Variants in NARS2 observed in about 807,000 individuals in gnomAD.
NARS2 encodes asparaginyl-tRNA synthetase 2, mitochondrial, also known as asparaginyl-tRNA synthetase.
In NARS2, 60 loss-of-function variants were observed where a neutral mutation model predicts 62.9. The ratio of observed to expected loss-of-function variants is 0.95; its 90% CI spans 0.77 to 1.18. The LOEUF is 1.18. NARS2 is among the 50% of genes most tolerant of loss of function. The pLI is 0.00. For missense variants in NARS2, 619 were observed against 576.4 expected (o/e 1.07, Z -0.76); for synonymous variants, 196 against 200.0 (o/e 0.98, Z 0.17).
chr11:78,437,497 A>G (rs1438605728), intron 13 of NARS2, among the ~76,000 whole-genome samples: 1 of 152,158 alleles, frequency 6.6e-6, no homozygotes, highest in Admixed American at 6.6e-5. Context: ...TCTGAAACCC[A>G]TCCACGCACA....
At chr11:78,530,952 A>C (rs563439167) in intron 5 of NARS2, among the ~76,000 whole-genome samples, 11 of 152,300 alleles carry the variant, frequency 7.2e-5, no homozygotes, top group Admixed American at 3.3e-4. Context: ...TTTATATTAC[A>C]ATTAAAGTAT....
chr11:78,449,898 TA>T (rs1333847764), intron 11 of NARS2, among the ~76,000 whole-genome samples: 1 of 152,194 alleles, frequency 6.6e-6, no homozygotes, highest in Non-Finnish European at 1.5e-5. Context: ...AAAGGCCTTT[TA>T]AAAACACAGG....
At chr11:78,441,710 C>CAAA (rs773790665) in intron 12 of NARS2, among the ~76,000 whole-genome samples, 3 of 127,386 alleles carry the variant, frequency 2.4e-5, no homozygotes, top group African/African-American at 8.5e-5. Context: ...GACTCCATCT[C>CAAA]AAAAAAAAAA....
intron 9 of NARS2, among the ~76,000 whole-genome samples, chr11:78,472,562 T>C (rs913966060): frequency 5.9e-5 from 9 of 152,184 alleles, no homozygotes; most frequent in African/African-American, 2.2e-4. Context: ...TAAATTCCAT[T>C]ACTACACGAG....
At chr11:78,541,970 A>C (rs1855638042) in intron 5 of NARS2, among the ~76,000 whole-genome samples, 1 of 152,202 alleles carries the variant, frequency 6.6e-6, no homozygotes, top group South Asian at 2.1e-4. Flanking sequence ...AACAAGCCAT[A>C]TATGTAGGTC....
intron 9 of NARS2, among the ~76,000 whole-genome samples, chr11:78,475,572 T>G (rs549396453): frequency 1.0e-4 from 15 of 147,222 alleles, no homozygotes; most frequent in African/African-American, 3.5e-4. Context: ...ACACCTGTTA[T>G]CATTTGACTT....
intron 5 of NARS2, among the ~76,000 whole-genome samples, chr11:78,554,009 T>C (rs576427806): frequency 1.3e-5 from 2 of 152,354 alleles, no homozygotes; most frequent in African/African-American, 2.4e-5. Flanking sequence ...CTTTTCCTCA[T>C]TGCTTGTTTT....
In NARS2 at chr11:78,531,777, A is replaced by G. The variant is rs555601034; in HGVS notation, c.595-2841T>C. Among the ~76,000 whole-genome samples the G allele has an allele frequency of 4.6e-5, 7 of 152,342 alleles. 1 individual carries two copies. In the East Asian group the frequency reaches 1.4e-3, roughly 29 times the overall value. ...ATGAAAACATGCTAAGTGAAAGAAG[A>G]CAGACTTAAAAGGCTATGTATGATT... On this transcript the variant is annotated intron_variant, in intron 5 of 13. Coordinates refer to ENST00000281038, the MANE Select transcript of NARS2 (RefSeq NM_024678.6).
At chr11:78,502,524 T>A (rs1860319091) in intron 6 of NARS2, among the ~76,000 whole-genome samples, 1 of 152,332 alleles carries the variant, frequency 6.6e-6, no homozygotes, top group Non-Finnish European at 1.5e-5. Flanking sequence ...ATACAACATA[T>A]GAATCCTAGG....
At chr11:78,464,475 T>C (rs1565214972) in intron 11 of NARS2, among the ~76,000 whole-genome samples, 2 of 152,134 alleles carry the variant, frequency 1.3e-5, no homozygotes, top group East Asian at 1.9e-4. Flanking sequence ...GATTGGTACA[T>C]TTACAGTCCC....
intron 11 of NARS2, among the ~76,000 whole-genome samples, chr11:78,461,200 C>T (rs1373898941): frequency 6.6e-6 from 1 of 152,110 alleles, no homozygotes; most frequent in Non-Finnish European, 1.5e-5. Flanking sequence ...GAGATAAAAA[C>T]TTCTGAGAGA....
chr11:78,521,565 C>T (rs544591809), intron 6 of NARS2, among the ~76,000 whole-genome samples: 2 of 152,150 alleles, frequency 1.3e-5, no homozygotes, highest in East Asian at 1.9e-4. Flanking sequence ...CCGAGGCGAG[C>T]GGATCACGAG....
chr11:78,543,325 A>G (rs920936275), intron 5 of NARS2, among the ~76,000 whole-genome samples: 5 of 152,264 alleles, frequency 3.3e-5, no homozygotes, highest in African/African-American at 1.2e-4. Context: ...GCTTCCTTCA[A>G]AGATGGCATG....
intron 7 of NARS2, among the ~76,000 whole-genome samples, chr11:78,489,842 C>T (rs1317335645): frequency 6.6e-6 from 1 of 152,020 alleles, no homozygotes; most frequent in African/African-American, 2.4e-5. Context: ...ATCACTTGGG[C>T]CCAGAAGTTT....
At chr11:78,551,539 A>G (rs1366819154) in intron 5 of NARS2, among the ~76,000 whole-genome samples, 9 of 152,204 alleles carry the variant, frequency 5.9e-5, no homozygotes, top group Non-Finnish European at 1.3e-4. Flanking sequence ...ATATGTTCCA[A>G]TAAAATAGTT....
intron 11 of NARS2, among the ~76,000 whole-genome samples, chr11:78,447,226 C>A (rs1344124710): frequency 6.6e-6 from 1 of 151,588 alleles, no homozygotes; most frequent in Admixed American, 6.6e-5. Context: ...TGCTGTGTTG[C>A]TCAGGCTGGA....
intron 4 of NARS2, among the ~76,000 whole-genome samples, chr11:78,564,426 A>G (rs1340334857): frequency 6.6e-6 from 1 of 151,964 alleles, no homozygotes; most frequent in Non-Finnish European, 1.5e-5. Context: ...CCTGGGCTCA[A>G]AAGATCCTCC....
rs1323171999 is a variant in NARS2 at position 78,455,895 on chromosome 11, A to G, written c.1164+9981T>C. On this transcript the variant is annotated intron_variant, in intron 11 of 13. Transcript: ENST00000281038. ...TATCGGCACATACTCGATAAACATT[A>G]TTGTTTTCTCTTTTGAATGTTTTAA... Among the ~76,000 whole-genome samples the G allele has an allele frequency of 3.3e-5, 5 of 151,540 alleles. No homozygotes were observed. In the Admixed American group the frequency reaches 3.3e-4, roughly 10 times the overall value.
At chr11:78,493,446 T>G (rs558331960) in intron 6 of NARS2, among the ~76,000 whole-genome samples, 1 of 152,058 alleles carries the variant, frequency 6.6e-6, no homozygotes, top group African/African-American at 2.4e-5. Context: ...TGCTTAAACT[T>G]AGGAGTTCAA....
Sources: gnomAD v4.1 joint callset for allele counts (sites outside exome capture counted in the v4.1 genomes callset) on GRCh38, gnomAD v4.1.1 for gene constraint, MANE v1.5 for transcripts, NCBI Gene and HGNC (gene_info 2026-07-23, HGNC 2026-07-21) for gene names.